The following CSMD3 variants were observed in gnomAD, a reference collection of about 807,000 sequenced individuals.
The protein encoded by CSMD3 is CUB and Sushi multiple domains 3, also known as CUB and sushi domain-containing protein 3.
In CSMD3, 177 loss-of-function variants were observed where a neutral mutation model predicts 435.2. The ratio of observed to expected loss-of-function variants is 0.41; its 90% CI spans 0.36 to 0.46. The LOEUF (loss-of-function observed/expected upper bound fraction) is 0.46, where lower values mean the gene tolerates loss of function less well. CSMD3 is among the 20% of genes least tolerant of loss of function. The probability of loss-of-function intolerance (pLI) is 0.34; values close to 1 mark genes in which losing one functional copy is unlikely to be tolerated. For synonymous variants in CSMD3, 1,656 were observed against 1,520.5 expected (o/e 1.09, Z -2.07); for missense variants, 4,265 against 4,504.6 (o/e 0.95, Z 1.52).
intron 32 of CSMD3, among the ~76,000 whole-genome samples, chr8:112,435,142 A>G (rs1312995578): frequency 6.6e-6 from 1 of 152,118 alleles, no homozygotes; most frequent in Non-Finnish European, 1.5e-5. Context: ...TTTTGAAATA[A>G]GCATAGATGT....
At chr8:113,392,987 GTATA>G (rs147048667) in intron 1 of CSMD3, among the ~76,000 whole-genome samples, 1 of 148,918 alleles carries the variant, frequency 6.7e-6, no homozygotes, top group Non-Finnish European at 1.5e-5. Flanking sequence ...ATATACATAT[GTATA>G]TATATATATA....
chr8:112,538,523 T>C (rs1826350003), intron 27 of CSMD3, among the ~76,000 whole-genome samples: 1 of 151,810 alleles, frequency 6.6e-6, no homozygotes, highest in African/African-American at 2.4e-5. Flanking sequence ...AAAATCAACA[T>C]ACAAAACTCA....
chr8:112,829,383 A>G (rs2079795538), intron 12 of CSMD3, among the ~76,000 whole-genome samples: 1 of 152,144 alleles, frequency 6.6e-6, no homozygotes, highest in Non-Finnish European at 1.5e-5. Context: ...CAGACGTCAA[A>G]TCTGCTGACA....
chr8:112,352,356 T>C (rs1826207175), intron 39 of CSMD3, 60 bp downstream of exon 39: 2 of 1,607,040 alleles, frequency 1.2e-6, no homozygotes, highest in East Asian at 2.2e-5. Context: ...CAATCATTGA[T>C]TTGTAAAATA....
intron 20 of CSMD3, among the ~76,000 whole-genome samples, chr8:112,644,505 A>G (rs1389993683): frequency 6.6e-6 from 1 of 152,086 alleles, no homozygotes; most frequent in Non-Finnish European, 1.5e-5. Flanking sequence ...ACCATGTTTA[A>G]TACTACAGAG....
At chr8:112,721,269 T>A (rs2076851234) in intron 13 of CSMD3, among the ~76,000 whole-genome samples, 1 of 152,092 alleles carries the variant, frequency 6.6e-6, no homozygotes, top group Non-Finnish European at 1.5e-5. Context: ...TCAGTAACAA[T>A]CACATTAGAA....
chr8:113,003,306 T>A (rs181534374), intron 6 of CSMD3, among the ~76,000 whole-genome samples: 274 of 152,178 alleles, frequency 1.8e-3, no homozygotes, highest in Middle Eastern at 3.4e-3. Flanking sequence ...TACTAATTTT[T>A]CTTATTTGTT....
At chr8:112,630,891 A>G (rs1402542726) in intron 22 of CSMD3, among the ~76,000 whole-genome samples, 1 of 151,588 alleles carries the variant, frequency 6.6e-6, no homozygotes, top group Non-Finnish European at 1.5e-5. Context: ...GAGTATACGG[A>G]TAGATTTTGA....
intron 2 of CSMD3, among the ~76,000 whole-genome samples, chr8:113,300,008 G>A (rs1002789808): frequency 6.7e-6 from 1 of 150,118 alleles, no homozygotes; most frequent in East Asian, 2.0e-4. Flanking sequence ...AAAAAAATTA[G>A]CAAAGCATGG....
At chr8:112,405,246 T>TATATATATATATATACACAC (rs1199452249) in intron 35 of CSMD3, among the ~76,000 whole-genome samples, 29 of 81,514 alleles carry the variant, frequency 3.6e-4, no homozygotes, top group African/African-American at 1.4e-3. Context: ...TATATATATA[T>TATATATATATATATACACAC]ACATATATAT....
rs992790891 is a variant in CSMD3 at position 113,164,220 on chromosome 8, T to C, written c.709+9502A>G. 1.1e-4 allele frequency among the ~76,000 whole-genome samples: 16 copies of C among 152,110 alleles called. No individual in the cohort carries two copies. In the East Asian group the frequency reaches 3.1e-3, roughly 29 times the overall value. On this transcript the variant is annotated intron_variant, in intron 4 of 70. Coordinates refer to ENST00000297405, the MANE Select transcript of CSMD3 (RefSeq NM_198123.2). ...CCTGTTATTTTCTTTTATTATAGTT[T>C]GCCTTAATTCCACTTTATGTTATTT... is the stretch of plus-strand genomic sequence containing the variant.
At position 113,377,756 on chromosome 8, in the gene CSMD3, A is replaced by T. The variant is rs554881835; in HGVS notation, c.178+58921T>A. ...ATCTGTATTGGGGTTCAATACCATT[A>T]AGCCTAAAAATAAGCTTTCAACCCA... On this transcript the variant is annotated intron_variant, in intron 1 of 70. Transcript: ENST00000297405. 6.6e-5 allele frequency among the ~76,000 whole-genome samples: 10 copies of T among 152,342 alleles called. 1 individual carries two copies. Among genetic ancestry groups the T allele is most frequent in the Admixed American group, 5.2e-4 (8 of 15,304 alleles).
chr8:113,062,982 GT>G (rs1189573057), intron 5 of CSMD3, among the ~76,000 whole-genome samples: 1 of 151,276 alleles, frequency 6.6e-6, no homozygotes, highest in African/African-American at 2.4e-5. Context: ...ACTGATTATA[GT>G]TTTGTTAAAG....
intron 12 of CSMD3, 126 bp downstream of exon 12, chr8:112,829,560 A>G: frequency 1.4e-6 from 1 of 708,512 alleles, no homozygotes; most frequent in Non-Finnish European, 2.6e-6. Context: ...GTTAACAATA[A>G]TAACTAAGTT....
intron 6 of CSMD3, among the ~76,000 whole-genome samples, chr8:113,014,907 C>A (rs528936679): frequency 4.2e-4 from 64 of 152,188 alleles, no homozygotes; most frequent in African/African-American, 1.4e-3. Flanking sequence ...ATTTACAAAA[C>A]AATAATATGT....
intron 38 of CSMD3, among the ~76,000 whole-genome samples, chr8:112,362,081 A>G (rs1827297901): frequency 6.6e-6 from 1 of 151,948 alleles, no homozygotes; most frequent in African/African-American, 2.4e-5. Flanking sequence ...ATTTGTGGTA[A>G]TCAAACGGTG....
At chr8:113,280,452 G>A (rs893153047) in intron 2 of CSMD3, among the ~76,000 whole-genome samples, 1 of 151,872 alleles carries the variant, frequency 6.6e-6, no homozygotes, top group Non-Finnish European at 1.5e-5. Flanking sequence ...TATGTGCGTA[G>A]AGGTGTTCAC....
intron 10 of CSMD3, among the ~76,000 whole-genome samples, chr8:112,889,321 C>T (rs2081708443): frequency 6.6e-6 from 1 of 151,656 alleles, no homozygotes; most frequent in Non-Finnish European, 1.5e-5. Flanking sequence ...GGCACTCAGC[C>T]TCCATGATCC....
chr8:112,651,975 T>A (rs2131639809), intron 18 of CSMD3, among the ~76,000 whole-genome samples: 1 of 152,248 alleles, frequency 6.6e-6, no homozygotes, highest in East Asian at 1.9e-4. Context: ...CCTCATCACC[T>A]CAAGTTTATG....
Sources: allele counts gnomAD v4.1 joint callset (sites outside exome capture counted in the v4.1 genomes callset), GRCh38; gene constraint gnomAD v4.1.1; transcripts MANE v1.5; gene names NCBI Gene and HGNC (gene_info 2026-07-23, HGNC 2026-07-21).